MAPK6: variants seen among roughly 807,000 people sequenced by gnomAD.
MAPK6 encodes ERK-3.
A neutral mutation model predicts 59.3 loss-of-function variants in MAPK6; 19 were observed. That is an observed-to-expected ratio of 0.32 (90% CI 0.22 to 0.47). MAPK6 has a LOEUF of 0.47. Among genes scored for constraint, MAPK6 ranks in the 20% least tolerant of loss-of-function variants. MAPK6 has a pLI of 1.00. For missense variants in MAPK6, 724 were observed against 847.9 expected (o/e 0.85, Z 1.81); for synonymous variants, 316 against 290.3 (o/e 1.09, Z -0.90).
intron 1 of MAPK6, among the ~76,000 whole-genome samples, chr15:51,982,440 A>T (rs892121164): frequency 6.6e-6 from 1 of 152,226 alleles, no homozygotes; most frequent in Non-Finnish European, 1.5e-5. Flanking sequence ...AAAAGGCCAC[A>T]AGATGGTGAT....
At chr15:51,989,397 C>T (rs529460931) in intron 2 of MAPK6, among the ~76,000 whole-genome samples, 1 of 151,990 alleles carries the variant, frequency 6.6e-6, no homozygotes, top group Admixed American at 6.6e-5. Flanking sequence ...TCCATTTTTG[C>T]CATATATGGT....
intron 1 of MAPK6, among the ~76,000 whole-genome samples, chr15:52,038,960 A>G (rs759091391): frequency 1.3e-5 from 2 of 152,136 alleles, no homozygotes; most frequent in Admixed American, 6.6e-5. Context: ...TAGGGATGTT[A>G]TTACTAGTTT....
chr15:52,012,381 C>T (rs143199134), intron 3 of MAPK6, among the ~76,000 whole-genome samples: 1 of 152,272 alleles, frequency 6.6e-6, no homozygotes, highest in East Asian at 1.9e-4. Context: ...GTGTGGTACC[C>T]CCTGGGACGT....
chr15:52,064,994 G>C lies in MAPK6; in HGVS notation c.2160G>C (p.Leu720=). ...CATACAGCAGCATTCTGAAACATCT[G>C]AACTAAAACACTCAGCAGACATTTA... ...HQTYSSILKH[L]N Residue 720 remains leucine, a synonymous_variant, in exon 6 of 6, where the codon CTG becomes CTC. Transcript: ENST00000261845. 2 of 1,599,554 alleles carry C rather than the reference G, an allele frequency of 1.3e-6. No individual in the cohort carries two copies. The highest frequency in any genetic ancestry group is 1.7e-6 in the Non-Finnish European group (2 of 1,170,764).
At chr15:52,023,855 G>A (rs1027124492) in intron 1 of MAPK6, among the ~76,000 whole-genome samples, 4 of 152,124 alleles carry the variant, frequency 2.6e-5, no homozygotes, top group Non-Finnish European at 5.9e-5. Flanking sequence ...CTTGTGATCC[G>A]CCTGCCTGGG....
chr15:52,035,004 G>T (rs1458216774), intron 1 of MAPK6, among the ~76,000 whole-genome samples: 11 of 152,174 alleles, frequency 7.2e-5, no homozygotes, highest in African/African-American at 2.7e-4. Flanking sequence ...GCCTGGCCTT[G>T]TTATCTCTTC....
chr15:52,027,424 C>G (rs2030844188), intron 1 of MAPK6, among the ~76,000 whole-genome samples: 2 of 149,342 alleles, frequency 1.3e-5, no homozygotes, highest in South Asian at 4.2e-4. Context: ...TACCCTCCCC[C>G]TCCTGCTTGG....
intron 1 of MAPK6, among the ~76,000 whole-genome samples, chr15:51,977,283 G>A (rs560561599): frequency 1.3e-5 from 2 of 151,720 alleles, no homozygotes; most frequent in South Asian, 2.1e-4. Flanking sequence ...GATTACAGAC[G>A]TGAGCCACTG....
At chr15:51,991,425 G>C (rs1162281927) in intron 2 of MAPK6, among the ~76,000 whole-genome samples, 8 of 152,070 alleles carry the variant, frequency 5.3e-5, no homozygotes, top group African/African-American at 1.9e-4. Flanking sequence ...TGCCAGAAAG[G>C]ACTACTAGGA....
At chr15:52,007,704 A>G (rs2029938563) in intron 3 of MAPK6, among the ~76,000 whole-genome samples, 1 of 54,426 alleles carries the variant, frequency 1.8e-5, no homozygotes, top group Admixed American at 1.7e-4. Flanking sequence ...GCTCTATCTC[A>G]AAAAAAAAAA....
chr15:51,988,776 A>G (rs547194928), intron 2 of MAPK6, among the ~76,000 whole-genome samples: 1 of 151,686 alleles, frequency 6.6e-6, no homozygotes, highest in South Asian at 2.1e-4. Context: ...AAAACCAGAA[A>G]TGTATTCCTT....
intron 1 of MAPK6, among the ~76,000 whole-genome samples, chr15:51,983,068 T>C (rs1375450745): frequency 8.5e-5 from 13 of 152,092 alleles, no homozygotes; most frequent in Admixed American, 8.5e-4. Flanking sequence ...AAATCAAAAT[T>C]TGGGTAGGAA....
chr15:51,993,916 AC>A (rs1297616759), intron 2 of MAPK6, among the ~76,000 whole-genome samples: 1 of 150,092 alleles, frequency 6.7e-6, no homozygotes, highest in Non-Finnish European at 1.5e-5. Flanking sequence ...ACCGGAACAC[AC>A]CACCATGCCC....
At chr15:52,019,212 GC>G (rs959721332), upstream of MAPK6, 1 of 152,066 alleles carries the variant, frequency 6.6e-6, no homozygotes, top group Non-Finnish European at 1.5e-5. Flanking sequence ...GCGAAGCCCC[GC>G]CCCCTCTTCC....
chr15:51,972,654 T>C (rs1566891305), intron 1 of MAPK6, among the ~76,000 whole-genome samples: 1 of 148,100 alleles, frequency 6.8e-6, no homozygotes, highest in Non-Finnish European at 1.5e-5. Flanking sequence ...AAACCCCGTC[T>C]CTACTAAAAT....
At chr15:52,051,663 C>G (rs1392350198) in intron 3 of MAPK6, among the ~76,000 whole-genome samples, 1 of 151,856 alleles carries the variant, frequency 6.6e-6, no homozygotes, top group Non-Finnish European at 1.5e-5. Flanking sequence ...CACTTGAGGT[C>G]AGGAGTTTGA....
intron 2 of MAPK6, among the ~76,000 whole-genome samples, chr15:52,049,043 C>T (rs1249983919): frequency 6.6e-6 from 1 of 152,172 alleles, no homozygotes; most frequent in Non-Finnish European, 1.5e-5. Flanking sequence ...TCTCAGTCAT[C>T]ACACCTATAA....
chr15:52,013,005 AAAAAAAAAAAAAAAAATAT>A (rs1389991658), intron 3 of MAPK6, among the ~76,000 whole-genome samples: 2 of 20,476 alleles, frequency 9.8e-5, no homozygotes, highest in East Asian at 7.6e-4. Flanking sequence ...AAAAAAAAAA[AAAAAAAAAAAAAAAAATAT>A]ATATATATAT....
intron 2 of MAPK6, among the ~76,000 whole-genome samples, chr15:51,995,313 T>C (rs2141819716): frequency 6.6e-6 from 1 of 152,324 alleles, no homozygotes; most frequent in East Asian, 1.9e-4. Context: ...AGCTGCTGGA[T>C]GCAGACTGTT....
Sources: gnomAD v4.1 joint callset for allele counts (sites outside exome capture counted in the v4.1 genomes callset) on GRCh38, gnomAD v4.1.1 for gene constraint, MANE v1.5 for transcripts, NCBI Gene and HGNC (gene_info 2026-07-23, HGNC 2026-07-21) for gene names.